The following KCNAB1 variants were observed in gnomAD, a reference collection of about 807,000 sequenced individuals.
KCNAB1 encodes the protein voltage-gated potassium channel subunit beta-1.
A neutral mutation model predicts 64.6 loss-of-function variants in KCNAB1; 35 were observed. The ratio of observed to expected loss-of-function variants is 0.54; its 90% CI spans 0.41 to 0.72. KCNAB1 has a LOEUF of 0.72. Among genes scored for constraint, KCNAB1 ranks in the 30% least tolerant of loss-of-function variants. The pLI is 0.00. For synonymous variants in KCNAB1, 177 were observed against 183.8 expected (o/e 0.96, Z 0.30); for missense variants, 401 against 512.9 (o/e 0.78, Z 2.11).
intron 1 of KCNAB1, among the ~76,000 whole-genome samples, chr3:156,272,587 G>A (rs1034558974): frequency 1.3e-5 from 2 of 151,904 alleles, no homozygotes; most frequent in Middle Eastern, 3.4e-3. Context: ...CCAGGCCTGG[G>A]ACTCTACCTT....
At chr3:156,387,742 A>T (rs1363883953) in intron 1 of KCNAB1, among the ~76,000 whole-genome samples, 2 of 152,202 alleles carry the variant, frequency 1.3e-5, no homozygotes, top group Admixed American at 6.6e-5. Flanking sequence ...CATTAGGGTG[A>T]ATCAGTGTTT....
chr3:156,509,324 T>C (rs1006689800), intron 8 of KCNAB1, among the ~76,000 whole-genome samples: 4 of 152,166 alleles, frequency 2.6e-5, no homozygotes, highest in African/African-American at 9.7e-5. Context: ...CTTTGTAATT[T>C]ACTAAGTCTG....
intron 1 of KCNAB1, among the ~76,000 whole-genome samples, chr3:156,338,291 T>G (rs1723856272): frequency 6.8e-6 from 1 of 147,740 alleles, no homozygotes; most frequent in Non-Finnish European, 1.5e-5. Context: ...TATACTTTCT[T>G]TGGCATTTGC....
intron 1 of KCNAB1, among the ~76,000 whole-genome samples, chr3:156,323,667 T>C (rs1338879399): frequency 6.6e-6 from 1 of 152,160 alleles, no homozygotes; most frequent in Non-Finnish European, 1.5e-5. Flanking sequence ...TAATGACTTA[T>C]TGTGCAATAT....
chr3:156,398,222 T>C (rs909877457), intron 1 of KCNAB1, among the ~76,000 whole-genome samples: 1 of 151,814 alleles, frequency 6.6e-6, no homozygotes, highest in Non-Finnish European at 1.5e-5. Flanking sequence ...TAACACACAC[T>C]GGGGCCTGTC....
At chr3:156,253,872 C>T (rs1243515827) in intron 1 of KCNAB1, among the ~76,000 whole-genome samples, 1 of 152,196 alleles carries the variant, frequency 6.6e-6, no homozygotes, top group Non-Finnish European at 1.5e-5. Context: ...GTTTGAGAAC[C>T]ATCGGTCTAA....
intron 1 of KCNAB1, among the ~76,000 whole-genome samples, chr3:156,198,837 C>T (rs982308809): frequency 2.8e-5 from 4 of 143,348 alleles, no homozygotes; most frequent in African/African-American, 1.1e-4. Context: ...TTGATCCTGT[C>T]GTTATGATGC....
At chr3:156,119,623 G>T (rs1257300233), upstream of KCNAB1, among the ~76,000 whole-genome samples, 1 of 152,174 alleles carries the variant, frequency 6.6e-6, no homozygotes, top group Non-Finnish European at 1.5e-5. Context: ...AGAGACTTAA[G>T]TTGATTGAGG....
At chr3:156,240,107 A>G (rs2108447434) in intron 1 of KCNAB1, among the ~76,000 whole-genome samples, 1 of 152,342 alleles carries the variant, frequency 6.6e-6, no homozygotes, top group East Asian at 1.9e-4. Flanking sequence ...GACACGTTTT[A>G]TGACTTCATG....
At chr3:156,157,494 A>G (rs985719656) in intron 1 of KCNAB1, among the ~76,000 whole-genome samples, 3 of 152,218 alleles carry the variant, frequency 2.0e-5, no homozygotes, top group African/African-American at 7.2e-5. Flanking sequence ...GAGTAGAAAG[A>G]CATTGTGCTC....
intron 1 of KCNAB1, among the ~76,000 whole-genome samples, chr3:156,150,555 C>G (rs1715343066): frequency 6.6e-6 from 1 of 152,152 alleles, no homozygotes; most frequent in Non-Finnish European, 1.5e-5. Flanking sequence ...AAAAAGTGAG[C>G]ATTTTGAAAT....
At chr3:156,251,611 G>A (rs543290365) in intron 1 of KCNAB1, among the ~76,000 whole-genome samples, 3 of 152,154 alleles carry the variant, frequency 2.0e-5, no homozygotes, top group African/African-American at 7.2e-5. Context: ...CTGGGCTTGG[G>A]AGGAGGGGTA....
intron 1 of KCNAB1, among the ~76,000 whole-genome samples, chr3:156,200,646 C>T (rs1459053209): frequency 1.3e-5 from 2 of 152,198 alleles, no homozygotes; most frequent in African/African-American, 2.4e-5. Context: ...TCAGTAATGG[C>T]AGATGCCCCT....
upstream of KCNAB1, among the ~76,000 whole-genome samples, chr3:156,119,837 CA>C (rs1713238694): frequency 6.6e-6 from 1 of 152,196 alleles, no homozygotes; most frequent in Non-Finnish European, 1.5e-5. Context: ...TGGGCACACA[CA>C]TACACATCCA....
At chr3:156,319,336 T>C (rs1722502301) in intron 1 of KCNAB1, among the ~76,000 whole-genome samples, 1 of 152,204 alleles carries the variant, frequency 6.6e-6, no homozygotes, top group Non-Finnish European at 1.5e-5. Context: ...ATGGGTCCAC[T>C]GGAAGTTCAC....
intron 13 of KCNAB1, among the ~76,000 whole-genome samples, chr3:156,532,807 G>A (rs1695106664): frequency 6.6e-6 from 1 of 152,164 alleles, no homozygotes; most frequent in Admixed American, 6.5e-5. Context: ...GAAAAGATAA[G>A]GGTACACAGT....
intron 1 of KCNAB1, among the ~76,000 whole-genome samples, chr3:156,140,899 A>G (rs900503187): frequency 2.0e-5 from 3 of 152,108 alleles, no homozygotes; most frequent in African/African-American, 7.2e-5. Context: ...CGCGTGTGTG[A>G]AGATTCATGT....
chr3:156,331,692 G>T (rs1009298996), intron 1 of KCNAB1, among the ~76,000 whole-genome samples: 5 of 151,806 alleles, frequency 3.3e-5, no homozygotes, highest in South Asian at 2.1e-4. Flanking sequence ...GCATTTTGCT[G>T]CATGTTAGCT....
intron 1 of KCNAB1, among the ~76,000 whole-genome samples, chr3:156,310,419 C>G (rs912365168): frequency 5.9e-5 from 9 of 151,986 alleles, no homozygotes; most frequent in African/African-American, 2.2e-4. Flanking sequence ...TCCTGCAGGC[C>G]CTGAACACTG....
Sources: gnomAD v4.1 joint callset for allele counts (sites outside exome capture counted in the v4.1 genomes callset) on GRCh38, gnomAD v4.1.1 for gene constraint, MANE v1.5 for transcripts, NCBI Gene and HGNC (gene_info 2026-07-23, HGNC 2026-07-21) for gene names.